SEPSECS: variants seen among roughly 807,000 people sequenced by gnomAD.
SEPSECS encodes the protein Sep (O-phosphoserine) tRNA:Sec (selenocysteine) tRNA synthase.
Under a neutral mutation model 52.1 loss-of-function variants are expected in SEPSECS, and 42 were observed. That is an observed-to-expected ratio of 0.81 (90% CI 0.63 to 1.04). SEPSECS has a LOEUF of 1.04. SEPSECS is among the 50% of genes least tolerant of loss of function. SEPSECS has a pLI of 0.00. For synonymous variants in SEPSECS, 216 were observed against 211.4 expected (o/e 1.02, Z -0.19); for missense variants, 590 against 610.6 (o/e 0.97, Z 0.36).
intron 1 of SEPSECS, chr4:25,159,935 G>A: frequency 1.0e-6 from 1 of 985,366 alleles, no homozygotes; most frequent in African/African-American, 1.7e-5. Context: ...AAAGATGGAG[G>A]TGCGAACTTT....
intron 9 of SEPSECS, among the ~76,000 whole-genome samples, chr4:25,126,540 C>T (rs1728380882): frequency 6.6e-6 from 1 of 152,062 alleles, no homozygotes; most frequent in South Asian, 2.1e-4. Flanking sequence ...AAATATGAAA[C>T]ATTATATTAC....
intron 6 of SEPSECS, among the ~76,000 whole-genome samples, chr4:25,151,608 C>A (rs1712303739): frequency 6.6e-6 from 1 of 151,968 alleles, no homozygotes; most frequent in South Asian, 2.1e-4. Context: ...TAATAAGGTA[C>A]AATAATTCCT....
intron 8 of SEPSECS, among the ~76,000 whole-genome samples, chr4:25,138,594 T>A (rs1728937636): frequency 1.3e-5 from 2 of 151,654 alleles, no homozygotes; most frequent in Admixed American, 1.3e-4. Flanking sequence ...AGATCAGAAA[T>A]AAACACAGAT....
intron 6 of SEPSECS, among the ~76,000 whole-genome samples, chr4:25,147,189 T>C (rs1485016202): frequency 2.6e-5 from 4 of 152,194 alleles, no homozygotes; most frequent in East Asian, 3.9e-4. Flanking sequence ...TCCACTCACA[T>C]GTACTTCTTG....
At chr4:25,135,957 T>C (rs557769995) in intron 8 of SEPSECS, among the ~76,000 whole-genome samples, 1 of 152,310 alleles carries the variant, frequency 6.6e-6, no homozygotes, top group East Asian at 1.9e-4. Flanking sequence ...AAAAACCACA[T>C]GATTATCTCA....
intron 10 of SEPSECS, among the ~76,000 whole-genome samples, chr4:25,125,096 T>A (rs1194181358): frequency 6.6e-6 from 1 of 152,260 alleles, no homozygotes; most frequent in Admixed American, 6.5e-5. Context: ...AAAATCTCTA[T>A]CCTCCGGTAG....
chr4:25,156,289 G>C lies in SEPSECS; in HGVS notation c.389-94C>G, dbSNP rs1054884504. The C allele has an allele frequency of 3.1e-5, 36 of 1,174,306 alleles. No homozygotes were observed. The African/African-American group carries it at 5.2e-4, about 17-fold the overall frequency. The allele number at this position is 1,174,306 out of a possible 1,614,324, so 72.7% of individuals were successfully genotyped here. On this transcript the variant is annotated intron_variant, in intron 3 of 10. Transcript: ENST00000382103. ...ATATATTTCATATATAAAATAGTAA[G>C]AGTCGTAGCCCTAGGGCTTCTGTTT... is the stretch of plus-strand genomic sequence containing the variant.
At chr4:25,129,358 C>T (rs779359579) in intron 8 of SEPSECS, among the ~76,000 whole-genome samples, 5 of 151,970 alleles carry the variant, frequency 3.3e-5, no homozygotes, top group African/African-American at 9.7e-5. Context: ...CATGGTGGCT[C>T]ACGCCTGTAA....
intron 8 of SEPSECS, among the ~76,000 whole-genome samples, chr4:25,136,453 T>C (rs1322276171): frequency 6.6e-6 from 1 of 151,994 alleles, no homozygotes; most frequent in African/African-American, 2.4e-5. Context: ...CTCTCACAAT[T>C]CACATTCACA....
chr4:25,133,324 G>A (rs1728688449), intron 8 of SEPSECS, among the ~76,000 whole-genome samples: 1 of 152,182 alleles, frequency 6.6e-6, no homozygotes, highest in African/African-American at 2.4e-5. Context: ...CATCTGAGAT[G>A]AAGGCATCCA....
chr4:25,129,494 G>A (rs1456636544), intron 8 of SEPSECS, among the ~76,000 whole-genome samples: 2 of 151,922 alleles, frequency 1.3e-5, no homozygotes, highest in South Asian at 2.1e-4. Flanking sequence ...ATGGTGGTGT[G>A]AGCCTGTAAT....
At position 25,122,170 on chromosome 4, in the gene SEPSECS, AC is replaced by A. The variant is rs1372547391; in HGVS notation, c.*1760del. 6.6e-6 allele frequency: 1 copy of A among 152,078 alleles called. No individual in the cohort carries two copies. The highest frequency in any genetic ancestry group is 1.5e-5 in the Non-Finnish European group (1 of 67,992). 9.4% of individuals were successfully genotyped at this position (152,078 alleles called of 1,614,324 possible). On this transcript the variant is annotated 3_prime_UTR_variant, in exon 11 of 11. Transcript: ENST00000382103. ...CTATGTAAATTTTTTTAATGTTTGA[AC>A]CCCAAAGATAAAATAAATACATTTT...
In SEPSECS at chr4:25,128,084, G is replaced by A. The variant is rs529932934; in HGVS notation, c.1027-727C>T. 8.0e-4 allele frequency among the ~76,000 whole-genome samples: 121 copies of A among 152,138 alleles called. 1 individual carries two copies. The South Asian group carries it at 0.019, about 24-fold the overall frequency. On this transcript the variant is annotated intron_variant, in intron 8 of 10. Coordinates refer to ENST00000382103, the MANE Select transcript of SEPSECS (RefSeq NM_016955.4). ...TCTGCCAATCTCCTTCCCAATCCCA[G>A]TCTCCTTCCAGCATATTACCTATTT...
In SEPSECS at chr4:25,151,974, G is replaced by A. The variant is rs757116718; in HGVS notation, c.790C>T (p.His264Tyr). 5.1e-6 allele frequency: 8 copies of A among 1,556,986 alleles called. No homozygotes were observed. Among genetic ancestry groups the A allele is most frequent in the Non-Finnish European group, 5.3e-6 (6 of 1,128,252 alleles). Residue 264 changes from histidine to tyrosine, a missense_variant, in exon 6 of 11, where the codon CAT (histidine) becomes TAT (tyrosine). By Grantham distance (83) the His-to-Tyr change is moderately conservative. Transcript: ENST00000382103. ...AYGVQSSKCM[H>Y]LIQQGARVGR... is the part of the protein sequence containing the mutation. ...AACTCTCTTACCTGCTGAATGAGATGCATACACTTTGAAGACTGCACTCCA... is the reference window on the plus strand; with the variant it reads ...AACTCTCTTACCTGCTGAATGAGATACATACACTTTGAAGACTGCACTCCA...
chr4:25,149,756 T>C (rs892063502), intron 6 of SEPSECS, among the ~76,000 whole-genome samples: 1 of 152,180 alleles, frequency 6.6e-6, no homozygotes, highest in Non-Finnish European at 1.5e-5. Flanking sequence ...AAATAAAATG[T>C]TTTTCAAGAT....
chr4:25,147,483 G>A (rs2109024451), intron 6 of SEPSECS, among the ~76,000 whole-genome samples: 1 of 152,256 alleles, frequency 6.6e-6, no homozygotes, highest in South Asian at 2.1e-4. Flanking sequence ...TTCTGAACAG[G>A]CAAAGTTGCT....
intron 8 of SEPSECS, among the ~76,000 whole-genome samples, chr4:25,127,890 C>A (rs1220785757): frequency 6.6e-6 from 1 of 152,208 alleles, no homozygotes; most frequent in Admixed American, 6.5e-5. Flanking sequence ...TATCATTTCC[C>A]CTAGTCACTA....
chr4:25,149,283 C>A (rs1227312153), intron 6 of SEPSECS, among the ~76,000 whole-genome samples: 3 of 151,990 alleles, frequency 2.0e-5, no homozygotes, highest in Non-Finnish European at 4.4e-5. Flanking sequence ...CCAGGGAGGT[C>A]TCAAACTCCT....
Position 25,123,802 on chromosome 4 carries a change from G to A in SEPSECS, c.*129C>T, listed in dbSNP as rs1728231842. ...TCATCAATGGCTAGTTCAGACCAAAGTCTGCTCCTTGACTGAATATTCCCA... is the reference window on the plus strand; with the variant it reads ...TCATCAATGGCTAGTTCAGACCAAAATCTGCTCCTTGACTGAATATTCCCA... On this transcript the variant is annotated 3_prime_UTR_variant, in exon 11 of 11. Transcript: ENST00000382103. 10 of 805,994 alleles carry A rather than the reference G, an allele frequency of 1.2e-5. No individual in the cohort carries two copies. In the South Asian group the frequency reaches 1.4e-4, roughly 11 times the overall value. 49.9% of individuals were successfully genotyped at this position (805,994 alleles called of 1,614,324 possible).
Sources: gnomAD v4.1 joint callset for allele counts (sites outside exome capture counted in the v4.1 genomes callset) on GRCh38, gnomAD v4.1.1 for gene constraint, MANE v1.5 for transcripts, NCBI Gene and HGNC (gene_info 2026-07-23, HGNC 2026-07-21) for gene names.